The following TFCP2 variants were observed in gnomAD, a reference collection of about 807,000 sequenced individuals.
The protein encoded by TFCP2 is alpha-globin transcription factor CP2.
In TFCP2, 33 loss-of-function variants were observed where a neutral mutation model predicts 73.4. The observed-to-expected ratio is 0.45, with a 90% confidence interval of 0.34 to 0.60. The LOEUF (loss-of-function observed/expected upper bound fraction) is 0.60. TFCP2 is among the 20% of genes least tolerant of loss of function. The probability of loss-of-function intolerance (pLI) is 0.01; values close to 1 mark genes in which losing one functional copy is unlikely to be tolerated. For synonymous variants in TFCP2, 193 were observed against 211.6 expected (o/e 0.91, Z 0.76); for missense variants, 352 against 604.0 (o/e 0.58, Z 4.37).
intron 1 of TFCP2, among the ~76,000 whole-genome samples, chr12:51,155,380 T>A (rs1239634641): frequency 6.6e-6 from 1 of 152,190 alleles, no homozygotes; most frequent in East Asian, 1.9e-4. Context: ...CACCCATCCA[T>A]CCATCTATAT....
chr12:51,141,666 G>A (rs142370434), intron 1 of TFCP2, among the ~76,000 whole-genome samples: 1 of 151,822 alleles, frequency 6.6e-6, no homozygotes, highest in African/African-American at 2.4e-5. Context: ...TTGGGAGGCC[G>A]ATGTGGGCAG....
At chr12:51,124,372 C>T (rs763196312) in intron 1 of TFCP2, among the ~76,000 whole-genome samples, 2 of 152,206 alleles carry the variant, frequency 1.3e-5, no homozygotes, top group African/African-American at 4.8e-5. Context: ...GAATTACAGG[C>T]ATGAGCCACC....
chr12:51,098,908 A>G lies in TFCP2; in HGVS notation c.1287T>C (p.Ala429=), dbSNP rs1412312280. The part of the protein sequence containing the change: ...DSNGTFFVYH[A]IYLEELTAVE... ...CAGCTGTTAGTTCTTCTAGATAGAT[A>G]GCATGGTAAACTGCAAAAGGGAGAG... The change falls in exon 13 of 15, where the codon GCT becomes GCC. Residue 429 remains alanine (A), a synonymous_variant. Transcript: ENST00000257915. The G allele has an allele frequency of 4.3e-6, 7 of 1,614,014 alleles. No individual in the cohort carries two copies. The highest frequency in any genetic ancestry group is 5.9e-6 in the Non-Finnish European group (7 of 1,180,020).
chr12:51,114,460 C>T (rs768572969), intron 4 of TFCP2, among the ~76,000 whole-genome samples: 8 of 152,006 alleles, frequency 5.3e-5, no homozygotes, highest in Non-Finnish European at 1.2e-4. Flanking sequence ...CAAAAATTAG[C>T]TGGGTGTGGT....
intron 1 of TFCP2, chr12:51,125,364 G>A (rs1940788148): frequency 2.0e-6 from 1 of 489,776 alleles, no homozygotes; most frequent in South Asian, 1.6e-5. Context: ...CAACAGCTAA[G>A]GCCAAGCCAA....
intron 8 of TFCP2, among the ~76,000 whole-genome samples, chr12:51,105,736 T>A (rs1854286605): frequency 6.6e-6 from 1 of 152,254 alleles, no homozygotes; most frequent in Non-Finnish European, 1.5e-5. Flanking sequence ...TCTTAATTGT[T>A]ACGTTTTAAA....
At chr12:51,145,956 C>G (rs1377026807) in intron 1 of TFCP2, among the ~76,000 whole-genome samples, 1 of 151,322 alleles carries the variant, frequency 6.6e-6, no homozygotes, top group Non-Finnish European at 1.5e-5. Flanking sequence ...TCCCTTCCCC[C>G]TCCCCACCAA....
chr12:51,103,633 TC>T, intron 10 of TFCP2, 36 bp downstream of exon 10: 1 of 1,571,964 alleles, frequency 6.4e-7, no homozygotes, highest in Non-Finnish European at 8.7e-7. Flanking sequence ...AAGGAAAATT[TC>T]ATGCTAGGGA....
In TFCP2 at chr12:51,118,601, T is replaced by C. The variant is rs775314340; in HGVS notation, c.274+20A>G. On this transcript the variant is annotated intron_variant, in intron 2 of 14. Transcript: ENST00000257915. Reference sequence around the variant, plus strand: ...TACAGTAGGTCTGCAATAGTACTAATGAATGAGGAAGCATCTAACCTTGAT... The same window carrying C: ...TACAGTAGGTCTGCAATAGTACTAACGAATGAGGAAGCATCTAACCTTGAT... The C allele has an allele frequency of 3.7e-6, 6 of 1,611,892 alleles. No individual in the cohort carries two copies. The Admixed American group carries it at 5.0e-5, about 14-fold the overall frequency.
chr12:51,167,791 C>T (rs1395035864), intron 1 of TFCP2, among the ~76,000 whole-genome samples: 1 of 152,020 alleles, frequency 6.6e-6, no homozygotes, highest in Non-Finnish European at 1.5e-5. Context: ...CTGGGAACCG[C>T]GGCTGACATG....
chr12:51,093,896 T>G lies in TFCP2; in HGVS notation c.*1345A>C, dbSNP rs953886076. The G allele has an allele frequency of 1.3e-5, 2 of 151,560 alleles. No individual in the cohort carries two copies. The highest frequency in any genetic ancestry group is 2.9e-5 in the Non-Finnish European group (2 of 67,924). The allele number at this position is 151,560 out of a possible 1,614,324, so 9.4% of individuals were successfully genotyped here. On this transcript the variant is annotated 3_prime_UTR_variant, in exon 15 of 15. Coordinates refer to ENST00000257915, the MANE Select transcript of TFCP2 (RefSeq NM_005653.5). Reference sequence around the variant, plus strand: ...CAATACACAATCTTAGAACATTATCTTTGTGTACCTCAACATAACCTGTAA... The same window carrying G: ...CAATACACAATCTTAGAACATTATCGTTGTGTACCTCAACATAACCTGTAA...
At chr12:51,166,088 G>A (rs2436645) in intron 1 of TFCP2, among the ~76,000 whole-genome samples, 87,542 of 151,606 alleles carry the variant, frequency 0.58, 26,381 homozygotes, top group Non-Finnish European at 0.68. Context: ...GCCAAGGCAG[G>A]TGGATCACCT....
intron 13 of TFCP2, among the ~76,000 whole-genome samples, chr12:51,096,558 A>T (rs1033759178): frequency 2.6e-5 from 4 of 152,216 alleles, no homozygotes; most frequent in Admixed American, 2.0e-4. Flanking sequence ...GAACGCTAAT[A>T]ACTGAGCAAT....
chr12:51,111,103 ATT>A, intron 4 of TFCP2, 120 bp from the exon 5 acceptor site: 1 of 650,768 alleles, frequency 1.5e-6, no homozygotes, highest in Non-Finnish European at 2.6e-6. Flanking sequence ...CACATCCTAA[ATT>A]TCTTTGTTTT....
intron 1 of TFCP2, among the ~76,000 whole-genome samples, chr12:51,135,181 C>A (rs914028725): frequency 2.3e-4 from 35 of 151,274 alleles, no homozygotes; most frequent in South Asian, 2.3e-3. Flanking sequence ...AATCCCAGCA[C>A]TTTGGGAGGC....
At chr12:51,156,045 CAAAAAAAAAAAA>C (rs71712150) in intron 1 of TFCP2, among the ~76,000 whole-genome samples, 9 of 146,544 alleles carry the variant, frequency 6.1e-5, no homozygotes, top group South Asian at 2.1e-4. Context: ...CTTTTTGTCT[CAAAAAAAAAAAA>C]AAAAAAAAAA....
chr12:51,115,583 C>A (rs1026936888), intron 4 of TFCP2, among the ~76,000 whole-genome samples: 1 of 152,162 alleles, frequency 6.6e-6, no homozygotes, highest in Non-Finnish European at 1.5e-5. Flanking sequence ...GAGACTCAAA[C>A]ACATATTTGT....
At chr12:51,154,181 C>A (rs1032109891) in intron 1 of TFCP2, among the ~76,000 whole-genome samples, 2 of 152,162 alleles carry the variant, frequency 1.3e-5, no homozygotes, top group Non-Finnish European at 2.9e-5. Flanking sequence ...CTCTTAGAGA[C>A]CCTGCTTTCA....
chr12:51,096,821 G>A (rs182304040), intron 13 of TFCP2, among the ~76,000 whole-genome samples: 162 of 152,238 alleles, frequency 1.1e-3, no homozygotes, highest in South Asian at 1.5e-3. Flanking sequence ...GAATGGAATT[G>A]ATGCTGAAAT....
Sources: gnomAD v4.1 joint callset for allele counts (sites outside exome capture counted in the v4.1 genomes callset) on GRCh38, gnomAD v4.1.1 for gene constraint, MANE v1.5 for transcripts, NCBI Gene and HGNC (gene_info 2026-07-23, HGNC 2026-07-21) for gene names.